Variants in DLG5 observed in about 807,000 individuals in gnomAD.
DLG5 encodes discs large MAGUK scaffold protein 5.
Under a neutral mutation model 189.8 loss-of-function variants are expected in DLG5, and 48 were observed. The ratio of observed to expected loss-of-function variants is 0.25; its 90% CI spans 0.20 to 0.32. DLG5 has a LOEUF of 0.32. Ranked by LOEUF, DLG5 falls within the 10% of genes least tolerant of loss-of-function variation. The pLI is 1.00. For synonymous variants in DLG5, 1,016 were observed against 1,054.1 expected (o/e 0.96, Z 0.70); for missense variants, 2,160 against 2,544.7 (o/e 0.85, Z 3.25).
chr10:77,811,279 C>G (rs1193858892), intron 22 of DLG5, 45 bp from the exon 23 acceptor site: 8 of 1,582,048 alleles, frequency 5.1e-6, no homozygotes, highest in Non-Finnish European at 6.9e-6. Flanking sequence ...ACGAAGCCAC[C>G]CAGAGCCACC....
chr10:77,828,977 T>C lies in DLG5; in HGVS notation c.2194A>G (p.Ile732Val). 1 of 1,613,596 alleles carries C rather than the reference T, an allele frequency of 6.2e-7. No individual in the cohort carries two copies. The highest frequency in any genetic ancestry group is 8.5e-7 in the Non-Finnish European group (1 of 1,179,922). Reference protein sequence around the residue: ...INLSGQKDSGISLENGVYAAA... With the variant: ...INLSGQKDSGVSLENGVYAAA... ...GCATACACTCCATTCTCCAGACTGA[T>C]GCCACTGTCTGCAAGCCACAGGAGG... Residue 732 changes from isoleucine to valine, a missense_variant, in exon 13 of 32, where the codon ATC becomes GTC. Physicochemically the swap from Ile to Val is conservative, Grantham distance 29. Coordinates refer to ENST00000372391, the MANE Select transcript of DLG5 (RefSeq NM_004747.4).
chr10:77,824,499 T>C (rs770262857), intron 13 of DLG5, 23 bp from the exon 14 acceptor site: 1 of 1,600,348 alleles, frequency 6.2e-7, no homozygotes, highest in Non-Finnish European at 8.6e-7. Flanking sequence ...AGAGAGCATG[T>C]CAGGCCACAG....
rs1372429852 is a variant in DLG5 at position 77,926,505 on chromosome 10, G to A, written c.16C>T (p.Arg6Trp). 4 of 1,350,660 alleles carry A rather than the reference G, an allele frequency of 3.0e-6. No homozygotes were observed. The highest frequency in any genetic ancestry group is 3.8e-6 in the Non-Finnish European group (4 of 1,047,964). The allele number at this position is 1,350,660 out of a possible 1,614,324, so 83.7% of individuals were successfully genotyped here. The change falls in exon 1 of 32, where the codon CGG becomes TGG. Residue 6 changes from arginine to tryptophan, a missense_variant. Arg to Trp is a moderately radical substitution (Grantham distance 101). Around this residue, in one of 5 missense-constraint regions of DLG5, gnomAD observed 664 missense variants for 838.5 expected, o/e 0.79. Coordinates refer to ENST00000372391, the MANE Select transcript of DLG5 (RefSeq NM_004747.4). This position sits in a 1 kb window ranked among gnomAD's most constrained non-coding sequence, Gnocchi z 5.2. The part of the protein sequence containing the change: MEPQR[R>W]ELLAQCQQSL... ...TGCTGACACTGGGCGAGCAGCTCCC[G>A]GCGCTGGGGCTCCATGGTGGCGGGC...
At chr10:77,844,603 G>A (rs1843593717) in intron 5 of DLG5, among the ~76,000 whole-genome samples, 1 of 152,222 alleles carries the variant, frequency 6.6e-6, no homozygotes, top group African/African-American at 2.4e-5. Flanking sequence ...GGCTGGTGAT[G>A]CCAGACAGGA....
At chr10:77,872,503 T>C (rs985739426) in intron 1 of DLG5, among the ~76,000 whole-genome samples, 11 of 152,184 alleles carry the variant, frequency 7.2e-5, no homozygotes, top group African/African-American at 1.9e-4. Context: ...CCCAGGGAGC[T>C]GGCAGGGCTC....
chr10:77,839,413 A>G (rs1843310125), intron 7 of DLG5, among the ~76,000 whole-genome samples: 1 of 152,148 alleles, frequency 6.6e-6, no homozygotes, highest in South Asian at 2.1e-4. Context: ...AGGCAAGAGG[A>G]TCGCTGGAAC....
intron 20 of DLG5, among the ~76,000 whole-genome samples, chr10:77,812,829 T>G (rs149380977): frequency 6.6e-6 from 1 of 152,352 alleles, no homozygotes; most frequent in African/African-American, 2.4e-5. Flanking sequence ...CACAGAGTGA[T>G]GCAAACTGGT....
At chr10:77,916,507 G>A (rs1169412729) in intron 1 of DLG5, among the ~76,000 whole-genome samples, 1 of 151,668 alleles carries the variant, frequency 6.6e-6, no homozygotes, top group Non-Finnish European at 1.5e-5. Flanking sequence ...TGGCCAGCTA[G>A]TCTCGAACTC....
At chr10:77,835,671 C>A (rs1054359954) in intron 8 of DLG5, 67 bp downstream of exon 8, 4 of 1,496,610 alleles carry the variant, frequency 2.7e-6, no homozygotes, top group African/African-American at 1.4e-5. Context: ...ACCCTCCCAA[C>A]AGACCCTAGC....
chr10:77,851,142 C>T (rs1301276988), intron 5 of DLG5, among the ~76,000 whole-genome samples: 1 of 152,256 alleles, frequency 6.6e-6, no homozygotes, highest in Non-Finnish European at 1.5e-5. Flanking sequence ...GCCATCCCCT[C>T]GGGCAGCTTC....
At chr10:77,939,547 C>T in the DLG5 span, among the ~76,000 whole-genome samples, 1 of 152,232 alleles carries the variant, frequency 6.6e-6, no homozygotes. Context: ...CCATTCCACA[C>T]TGAGGCTCAG....
At chr10:77,797,521 A>T (rs1035094702) in intron 27 of DLG5, among the ~76,000 whole-genome samples, 1 of 152,218 alleles carries the variant, frequency 6.6e-6, no homozygotes. Flanking sequence ...GGGCTTCAGT[A>T]GACACTGTGG....
intron 1 of DLG5, among the ~76,000 whole-genome samples, chr10:77,898,642 AG>A (rs1845834448): frequency 6.6e-6 from 1 of 152,182 alleles, no homozygotes. Flanking sequence ...ACGGCACACG[AG>A]TCACGCGGCT....
At chr10:77,857,785 AC>A (rs1377597760) in intron 2 of DLG5, among the ~76,000 whole-genome samples, 1 of 152,162 alleles carries the variant, frequency 6.6e-6, no homozygotes, top group Non-Finnish European at 1.5e-5. Flanking sequence ...ATCTCAATCA[AC>A]CCTTAGAGAC....
intron 20 of DLG5, among the ~76,000 whole-genome samples, chr10:77,815,689 G>A (rs1842015638): frequency 1.3e-5 from 2 of 152,098 alleles, no homozygotes; most frequent in Admixed American, 6.5e-5. Flanking sequence ...CTTAACATAG[G>A]GCCCACCCCT....
At position 77,797,008 on chromosome 10, in the gene DLG5, T is replaced by A. The variant is rs140281041; in HGVS notation, c.5165-414A>T. Among the ~76,000 whole-genome samples the A allele has an allele frequency of 3.3e-3, 510 of 152,244 alleles. 3 individuals are homozygous for A. Among genetic ancestry groups the A allele is most frequent in the Non-Finnish European group, 4.4e-3 (297 of 68,022 alleles). ...GACCTGCCCAGTGACAGGTGAGGCC[T>A]CCCCAATCTGCACGGCTAGAACAGG... On this transcript the variant is annotated intron_variant, in intron 27 of 31. Coordinates refer to ENST00000372391, the MANE Select transcript of DLG5 (RefSeq NM_004747.4).
In DLG5 at chr10:77,809,659, A is replaced by C. The variant is rs1568128039; in HGVS notation, c.4535T>G (p.Leu1512Arg). ...VVFIKKSQLE[L>R]GVHLCGGNLH... ...GTTCCCACCACACAAGTGCACCCCA[A>C]GCTCCAGCTGGGACTTTTTGATGAA... The change falls in exon 24 of 32, where the codon CTT becomes CGT. Residue 1512 changes from leucine (L) to arginine (R), a missense_variant. This residue lies in a region of DLG5 where 574 missense variants were observed against 644.2 expected (regional missense o/e 0.89). Transcript: ENST00000372391. 1 of 1,614,190 alleles carries C rather than the reference A, an allele frequency of 6.2e-7. No homozygotes were observed. The highest frequency in any genetic ancestry group is 8.5e-7 in the Non-Finnish European group (1 of 1,180,014).
rs183968142 is a variant in DLG5, at chr10:77,804,362, G to T, written c.5164+1303C>A. ...ACAGACCATTTAAAAATAGGCAGTA[G>T]TCCAGACTCGGTCCATGGCCAATAG... On this transcript the variant is annotated intron_variant, in intron 27 of 31. Coordinates refer to ENST00000372391, the MANE Select transcript of DLG5 (RefSeq NM_004747.4). 2.5e-3 allele frequency among the ~76,000 whole-genome samples: 378 copies of T among 152,330 alleles called. 3 individuals are homozygous for T. Among genetic ancestry groups the T allele is most frequent in the African/African-American group, 7.9e-3 (330 of 41,570 alleles).
intron 1 of DLG5, among the ~76,000 whole-genome samples, chr10:77,919,002 G>A (rs1405724533): frequency 1.3e-4 from 20 of 152,104 alleles, no homozygotes; most frequent in African/African-American, 4.6e-4. Flanking sequence ...GATCACCTGA[G>A]GTCAGGAATT....
Sources: gnomAD v4.1 joint callset for allele counts (sites outside exome capture counted in the v4.1 genomes callset) on GRCh38, gnomAD v4.1.1 for gene constraint, gnomAD v4.1.1 regional missense constraint, Gnocchi (gnomAD v3.1) non-coding constraint, MANE v1.5 for transcripts, NCBI Gene and HGNC (gene_info 2026-07-23, HGNC 2026-07-21) for gene names.